The following BORCS5 variants were observed in gnomAD, a reference collection of about 807,000 sequenced individuals.
The protein encoded by BORCS5 is BLOC-1 related complex subunit 5, also known as BLOC-1-related complex subunit 5.
In BORCS5, 17 loss-of-function variants were observed where a neutral mutation model predicts 22.1. That is an observed-to-expected ratio of 0.77 (90% CI 0.53 to 1.15). BORCS5 has a LOEUF of 1.15. Among genes scored for constraint, BORCS5 ranks in the 50% most tolerant of loss-of-function variants. The pLI is 0.00. For missense variants in BORCS5, 247 were observed against 253.2 expected, an observed-to-expected ratio of 0.98 and a Z score of 0.17; for synonymous variants, 117 against 99.8, an observed-to-expected ratio of 1.17 and a Z score of -1.03.
chr12:12,411,232 A>C (rs960892970), intron 2 of BORCS5, among the ~76,000 whole-genome samples: 2 of 152,134 alleles, frequency 1.3e-5, no homozygotes, highest in African/African-American at 4.8e-5. Context: ...CTCCTGCCTG[A>C]TTGCCCTGGC....
intron 2 of BORCS5, among the ~76,000 whole-genome samples, chr12:12,432,492 A>G (rs1291276124): frequency 6.6e-6 from 1 of 152,204 alleles, no homozygotes; most frequent in African/African-American, 2.4e-5. Flanking sequence ...ACATGCAATT[A>G]CCATATGACC....
At chr12:12,437,461 C>T (rs2136127119) in intron 3 of BORCS5, among the ~76,000 whole-genome samples, 1 of 152,288 alleles carries the variant, frequency 6.6e-6, no homozygotes, top group East Asian at 1.9e-4. Flanking sequence ...GATACAATGC[C>T]ACCCTCTATT....
intron 2 of BORCS5, among the ~76,000 whole-genome samples, chr12:12,392,973 A>G (rs1481371839): frequency 6.6e-6 from 1 of 152,058 alleles, no homozygotes; most frequent in Non-Finnish European, 1.5e-5. Context: ...TCATGCCTAT[A>G]ATGCAATGCC....
intron 2 of BORCS5, among the ~76,000 whole-genome samples, chr12:12,378,892 A>G (rs2136041046): frequency 6.6e-6 from 1 of 151,156 alleles, no homozygotes; most frequent in South Asian, 2.1e-4. Context: ...AGCTGAGACC[A>G]CAGGTGTGTG....
chr12:12,408,521 C>T (rs2193269), intron 2 of BORCS5, among the ~76,000 whole-genome samples: 42,282 of 152,044 alleles, frequency 0.28, 6,509 homozygotes, highest in African/African-American at 0.43. Flanking sequence ...ATCTTGCAAA[C>T]CTGAAACTCT....
At chr12:12,389,761 A>G (rs1361842591) in intron 2 of BORCS5, among the ~76,000 whole-genome samples, 1 of 152,138 alleles carries the variant, frequency 6.6e-6, no homozygotes, top group Non-Finnish European at 1.5e-5. Flanking sequence ...CTCATGCCAC[A>G]GTCACCCGAG....
At chr12:12,391,874 A>C (rs140072709) in intron 2 of BORCS5, among the ~76,000 whole-genome samples, 2 of 127,860 alleles carry the variant, frequency 1.6e-5, no homozygotes, top group African/African-American at 5.8e-5. Flanking sequence ...ACTAAAAAAA[A>C]AAAAAAAAAA....
At chr12:12,414,684 G>A (rs1941872386) in intron 2 of BORCS5, among the ~76,000 whole-genome samples, 1 of 95,024 alleles carries the variant, frequency 1.1e-5, no homozygotes, top group African/African-American at 4.6e-5. Flanking sequence ...GCCGGGCGGG[G>A]GGCTGACCCC....
intron 2 of BORCS5, among the ~76,000 whole-genome samples, chr12:12,382,936 C>T (rs1288430552): frequency 6.6e-6 from 1 of 151,274 alleles, no homozygotes; most frequent in Non-Finnish European, 1.5e-5. Flanking sequence ...ATGTTTCATC[C>T]AGTCTGACAT....
In BORCS5 at chr12:12,465,848, T is replaced by G; in HGVS notation, c.*72T>G. On this transcript the variant is annotated 3_prime_UTR_variant, in exon 4 of 4. Coordinates refer to ENST00000314565, the MANE Select transcript of BORCS5 (RefSeq NM_058169.6). ...CTGAGGACGTGTGGAGCTAAGGTCA[T>G]ATCATCTGACCAGGTCTGGAGGCTG... 7.5e-7 allele frequency: 1 copy of G among 1,329,356 alleles called. No individual in the cohort carries two copies. The highest frequency in any genetic ancestry group is 1.0e-6 in the Non-Finnish European group (1 of 962,074). The allele number at this position is 1,329,356 out of a possible 1,614,324, so 82.3% of individuals were successfully genotyped here.
chr12:12,392,169 G>A (rs187944022), intron 2 of BORCS5, among the ~76,000 whole-genome samples: 1 of 151,406 alleles, frequency 6.6e-6, no homozygotes, highest in East Asian at 1.9e-4. Context: ...TCCCCAATAT[G>A]TAACAAATAC....
At chr12:12,397,850 T>C (rs1941386610) in intron 2 of BORCS5, among the ~76,000 whole-genome samples, 1 of 152,224 alleles carries the variant, frequency 6.6e-6, no homozygotes, top group Non-Finnish European at 1.5e-5. Flanking sequence ...CTTCCTCTTC[T>C]CTTTCCTCTA....
At chr12:12,375,007 C>G (rs1052565830) in intron 2 of BORCS5, among the ~76,000 whole-genome samples, 5 of 149,848 alleles carry the variant, frequency 3.3e-5, no homozygotes, top group Non-Finnish European at 7.4e-5. Flanking sequence ...TACTGCTTTT[C>G]TTTTCTTTTC....
At chr12:12,418,630 T>C (rs1387962704) in intron 2 of BORCS5, among the ~76,000 whole-genome samples, 5 of 152,206 alleles carry the variant, frequency 3.3e-5, no homozygotes, top group Admixed American at 3.3e-4. Context: ...GAAGATACAG[T>C]GAGCTATCAT....
chr12:12,361,143 A>G, intron 1 of BORCS5, 63 bp from the exon 2 acceptor site: 1 of 1,526,414 alleles, frequency 6.6e-7, no homozygotes, highest in Non-Finnish European at 9.0e-7. Flanking sequence ...TACACCAAAA[A>G]CTGCTTTGGT....
chr12:12,402,029 G>A (rs978248178), intron 2 of BORCS5, among the ~76,000 whole-genome samples: 5 of 146,062 alleles, frequency 3.4e-5, no homozygotes, highest in African/African-American at 7.8e-5. Flanking sequence ...TGGCGCCACT[G>A]CACTTCAGCC....
At chr12:12,460,251 T>C (rs1485304782) in intron 3 of BORCS5, among the ~76,000 whole-genome samples, 1 of 152,230 alleles carries the variant, frequency 6.6e-6, no homozygotes, top group Non-Finnish European at 1.5e-5. Flanking sequence ...TTTCCCTAAG[T>C]ATTTCATGTT....
chr12:12,465,912 C>A lies in BORCS5; in HGVS notation c.*136C>A. The A allele has an allele frequency of 1.5e-6, 1 of 675,372 alleles. No individual in the cohort carries two copies. The highest frequency in any genetic ancestry group is 2.5e-6 in the Non-Finnish European group (1 of 406,422). The allele number at this position is 675,372 out of a possible 1,614,324, so 41.8% of individuals were successfully genotyped here. A position where few individuals can be genotyped will look rare whatever the true frequency, so the allele number is the denominator to read the frequency against. On this transcript the variant is annotated 3_prime_UTR_variant, in exon 4 of 4. Transcript: ENST00000314565. Reference sequence around the variant, plus strand: ...TGAAAGTGGGTGCGAAGGAGTCCGGCTGGCATGAAAATCTGACTTTGCCCA... The same window carrying A: ...TGAAAGTGGGTGCGAAGGAGTCCGGATGGCATGAAAATCTGACTTTGCCCA...
In BORCS5 at chr12:12,465,985, T is replaced by G; in HGVS notation, c.*209T>G. ...CCCGGTGTGGAAGGAACCTAACCAGTTCTCGGTGATAACTGAAGCTGGAAC... is the reference window on the plus strand; with the variant it reads ...CCCGGTGTGGAAGGAACCTAACCAGGTCTCGGTGATAACTGAAGCTGGAAC... On this transcript the variant is annotated 3_prime_UTR_variant, in exon 4 of 4. Transcript: ENST00000314565. 1 of 531,154 alleles carries G rather than the reference T, an allele frequency of 1.9e-6. No homozygotes were observed. The allele number at this position is 531,154 out of a possible 1,614,324, so 32.9% of individuals were successfully genotyped here.
Sources: allele counts gnomAD v4.1 joint callset (sites outside exome capture counted in the v4.1 genomes callset), GRCh38; gene constraint gnomAD v4.1.1; transcripts MANE v1.5; gene names NCBI Gene and HGNC (gene_info 2026-07-23, HGNC 2026-07-21).